The following PHACTR1 variants were observed in gnomAD, a reference collection of about 807,000 sequenced individuals.
PHACTR1 encodes RPEL repeat containing 1.
Under a neutral mutation model 69.2 loss-of-function variants are expected in PHACTR1, and 16 were observed. That is an observed-to-expected ratio of 0.23 (90% CI 0.16 to 0.35). The LOEUF (loss-of-function observed/expected upper bound fraction) is 0.35, where lower values mean the gene tolerates loss of function less well. PHACTR1 is among the 10% of genes least tolerant of loss of function. PHACTR1 has a pLI of 1.00. For missense variants in PHACTR1, 510 were observed against 734.7 expected, an observed-to-expected ratio of 0.69 and a Z score of 3.54; for synonymous variants, 312 against 284.5, an observed-to-expected ratio of 1.10 and a Z score of -0.97.
chr6:12,764,182 G>A (rs968837331), intron 4 of PHACTR1, among the ~76,000 whole-genome samples: 8 of 152,162 alleles, frequency 5.3e-5, no homozygotes, highest in African/African-American at 1.9e-4. Flanking sequence ...AGAACTAGAA[G>A]GAAATGAGAA....
chr6:12,881,709 A>G (rs958828976), intron 4 of PHACTR1, among the ~76,000 whole-genome samples: 2 of 152,188 alleles, frequency 1.3e-5, no homozygotes, highest in African/African-American at 4.8e-5. Flanking sequence ...TAGGGCCCAG[A>G]AAAGTGTCTG....
intron 5 of PHACTR1, among the ~76,000 whole-genome samples, chr6:13,109,129 C>T (rs1366353465): frequency 6.6e-6 from 1 of 151,990 alleles, no homozygotes; most frequent in Non-Finnish European, 1.5e-5. Context: ...TGTGGAAATG[C>T]ACTTTATTTC....
chr6:12,988,008 A>G (rs575953978), intron 4 of PHACTR1, among the ~76,000 whole-genome samples: 15 of 152,286 alleles, frequency 9.8e-5, no homozygotes, highest in African/African-American at 3.6e-4. Context: ...CCACTGGTGC[A>G]CATTTCTAAG....
intron 4 of PHACTR1, among the ~76,000 whole-genome samples, chr6:12,951,833 A>G (rs1375301665): frequency 3.3e-5 from 5 of 152,216 alleles, no homozygotes; most frequent in African/African-American, 9.6e-5. Flanking sequence ...GAAAATACGT[A>G]TTTATTATGT....
chr6:12,777,311 C>A (rs1770197218), intron 4 of PHACTR1, among the ~76,000 whole-genome samples: 1 of 151,016 alleles, frequency 6.6e-6, no homozygotes, highest in Admixed American at 6.6e-5. Flanking sequence ...TTGTGTGTCA[C>A]AGGGGTTTGG....
chr6:12,966,093 A>G lies in PHACTR1; in HGVS notation c.251-87272A>G, dbSNP rs114050293. Among the ~76,000 whole-genome samples, 662 of 152,220 alleles carry G rather than the reference A, an allele frequency of 4.3e-3. 6 individuals are homozygous for G. Among genetic ancestry groups the G allele is most frequent in the African/African-American group, 0.015 (628 of 41,532 alleles). ...GCACAAGTGGAGGGCTACGAGGAGG[A>G]AGGGGTGCAGGAGGACCCTGAAGTC... On this transcript the variant is annotated intron_variant, in intron 4 of 14. Transcript: ENST00000332995.
chr6:12,957,665 C>A (rs934779231), intron 4 of PHACTR1: 1 of 985,492 alleles, frequency 1.0e-6, no homozygotes. Context: ...CTGAGTGAGG[C>A]TGGAGAGACC....
chr6:12,858,312 T>A (rs1780606773), intron 4 of PHACTR1, among the ~76,000 whole-genome samples: 1 of 152,138 alleles, frequency 6.6e-6, no homozygotes, highest in South Asian at 2.1e-4. Flanking sequence ...CTGATTACAC[T>A]CTCAAAAGGC....
chr6:13,271,803 T>C (rs1237450012), intron 10 of PHACTR1, among the ~76,000 whole-genome samples: 1 of 152,098 alleles, frequency 6.6e-6, no homozygotes, highest in Non-Finnish European at 1.5e-5. Flanking sequence ...TTCATTGACT[T>C]GATATTTTCA....
chr6:12,993,031 A>G (rs1298648723), intron 4 of PHACTR1, among the ~76,000 whole-genome samples: 1 of 152,236 alleles, frequency 6.6e-6, no homozygotes, highest in Non-Finnish European at 1.5e-5. Context: ...TAGAGCCTCC[A>G]TGTTGAACAT....
intron 5 of PHACTR1, among the ~76,000 whole-genome samples, chr6:13,124,909 A>AT (rs1202825124): frequency 1.3e-5 from 2 of 152,222 alleles, no homozygotes; most frequent in Non-Finnish European, 2.9e-5. Flanking sequence ...AAATATAGGA[A>AT]TTTGAGAGGA....
chr6:13,046,970 A>C (rs551775831), intron 4 of PHACTR1, among the ~76,000 whole-genome samples: 19 of 152,348 alleles, frequency 1.2e-4, no homozygotes, highest in Middle Eastern at 3.4e-3. Flanking sequence ...CTGATAATTC[A>C]TATCAACCCT....
intron 4 of PHACTR1, among the ~76,000 whole-genome samples, chr6:12,772,819 C>A (rs1000521416): frequency 6.6e-6 from 1 of 152,120 alleles, no homozygotes; most frequent in African/African-American, 2.4e-5. Flanking sequence ...ATAAAGCATG[C>A]CAAATAAAAC....
At chr6:13,127,470 C>T (rs953757909) in intron 5 of PHACTR1, among the ~76,000 whole-genome samples, 13 of 151,840 alleles carry the variant, frequency 8.6e-5, no homozygotes, top group South Asian at 4.2e-4. Context: ...CTCAGGAGGC[C>T]GAGGCAGGAG....
chr6:13,108,163 A>G (rs1816472781), intron 5 of PHACTR1, among the ~76,000 whole-genome samples: 1 of 152,058 alleles, frequency 6.6e-6, no homozygotes, highest in African/African-American at 2.4e-5. Context: ...AGTGTTGTTT[A>G]ATTTTGTAAT....
chr6:12,996,106 T>C (rs1797384848), intron 4 of PHACTR1, among the ~76,000 whole-genome samples: 1 of 152,096 alleles, frequency 6.6e-6, no homozygotes, highest in South Asian at 2.1e-4. Context: ...CTTGCATGTA[T>C]GTGTTAGGAA....
chr6:12,855,327 C>G (rs1025820737), intron 4 of PHACTR1, among the ~76,000 whole-genome samples: 1 of 152,128 alleles, frequency 6.6e-6, no homozygotes, highest in Non-Finnish European at 1.5e-5. Context: ...TGGTGCATGT[C>G]TGTAGTTCCA....
intron 4 of PHACTR1, among the ~76,000 whole-genome samples, chr6:12,822,998 C>G (rs1403681555): frequency 3.3e-5 from 5 of 152,102 alleles, no homozygotes; most frequent in African/African-American, 1.2e-4. Flanking sequence ...ACCCATGGAG[C>G]CTCATTAATA....
chr6:12,866,934 T>C (rs1377699725), intron 4 of PHACTR1, among the ~76,000 whole-genome samples: 5 of 152,136 alleles, frequency 3.3e-5, no homozygotes, highest in Admixed American at 2.6e-4. Flanking sequence ...TACAATGCCA[T>C]TTTGCAAAAT....
Sources: allele counts gnomAD v4.1 joint callset (sites outside exome capture counted in the v4.1 genomes callset), GRCh38; gene constraint gnomAD v4.1.1; transcripts MANE v1.5; gene names NCBI Gene and HGNC (gene_info 2026-07-23, HGNC 2026-07-21).